FMNL2: variants seen among roughly 807,000 people sequenced by gnomAD.
The protein encoded by FMNL2 is formin-like protein 2.
A neutral mutation model predicts 130.2 loss-of-function variants in FMNL2; 51 were observed. The observed-to-expected ratio is 0.39, with a 90% CI of 0.31 to 0.49. The LOEUF is 0.49. Ranked by LOEUF, FMNL2 falls within the 20% of genes least tolerant of loss-of-function variation. The pLI, the probability that FMNL2 is intolerant of heterozygous loss-of-function variation, is 0.85. For synonymous variants in FMNL2, 465 were observed against 467.1 expected (o/e 1.00, Z 0.06); for missense variants, 977 against 1,316.2 (o/e 0.74, Z 3.99).
At chr2:152,516,010 C>G (rs116494671) in intron 1 of FMNL2, among the ~76,000 whole-genome samples, 2,257 of 152,106 alleles carry the variant, frequency 0.015, 61 homozygotes, top group African/African-American at 0.052. Context: ...AATTCCAGAG[C>G]CCAACTAGCA....
intron 1 of FMNL2, among the ~76,000 whole-genome samples, chr2:152,486,074 G>A (rs763969521): frequency 1.3e-5 from 2 of 152,166 alleles, no homozygotes; most frequent in African/African-American, 4.8e-5. Context: ...TAAATAGATA[G>A]CAACGGATCA....
intron 1 of FMNL2, among the ~76,000 whole-genome samples, chr2:152,455,347 T>C (rs1342920726): frequency 6.6e-6 from 1 of 152,060 alleles, no homozygotes; most frequent in Non-Finnish European, 1.5e-5. Context: ...GATGAAGTCC[T>C]TTTAGGGGAA....
intron 21 of FMNL2, among the ~76,000 whole-genome samples, chr2:152,633,478 AAATG>A (rs1682324421): frequency 1.3e-5 from 2 of 152,216 alleles, no homozygotes; most frequent in African/African-American, 2.4e-5. Context: ...TGTTGGAAAT[AAATG>A]AATGAACAAG....
At chr2:152,366,098 A>G (rs1316108205) in intron 1 of FMNL2, among the ~76,000 whole-genome samples, 2 of 152,144 alleles carry the variant, frequency 1.3e-5, no homozygotes, top group Admixed American at 6.5e-5. Flanking sequence ...AGTAACCTCC[A>G]TGTTTACTAG....
chr2:152,464,154 A>G (rs1238197718), intron 1 of FMNL2, among the ~76,000 whole-genome samples: 3 of 152,060 alleles, frequency 2.0e-5, no homozygotes, highest in Non-Finnish European at 4.4e-5. Flanking sequence ...ACGTTGACCA[A>G]TCTGGTCTTG....
intron 1 of FMNL2, among the ~76,000 whole-genome samples, chr2:152,474,763 A>G (rs919294367): frequency 1.3e-4 from 20 of 152,196 alleles, no homozygotes; most frequent in African/African-American, 3.6e-4. Flanking sequence ...TTAGTTGCCA[A>G]TGATTGATAG....
chr2:152,496,991 A>G (rs982317367), intron 1 of FMNL2, among the ~76,000 whole-genome samples: 22 of 152,150 alleles, frequency 1.4e-4, no homozygotes, highest in African/African-American at 5.1e-4. Flanking sequence ...AAAGGTATAT[A>G]GAAACCAAAA....
At chr2:152,460,604 C>T (rs573479219) in intron 1 of FMNL2, among the ~76,000 whole-genome samples, 2 of 152,332 alleles carry the variant, frequency 1.3e-5, no homozygotes, top group East Asian at 1.9e-4. Context: ...AACCAGGCCG[C>T]ACAAGGGGCA....
intron 1 of FMNL2, among the ~76,000 whole-genome samples, chr2:152,357,669 T>A (rs1682912656): frequency 6.6e-6 from 1 of 150,808 alleles, no homozygotes; most frequent in South Asian, 2.1e-4. Flanking sequence ...TTAAATCAGT[T>A]TAATGTATAA....
chr2:152,369,158 G>A (rs1207218084), intron 1 of FMNL2, among the ~76,000 whole-genome samples: 1 of 152,198 alleles, frequency 6.6e-6, no homozygotes, highest in Non-Finnish European at 1.5e-5. Context: ...AAGAATGTTT[G>A]TGCAGTGTCA....
intron 9 of FMNL2, among the ~76,000 whole-genome samples, chr2:152,591,022 T>TC (rs1558989598): frequency 1.2e-4 from 12 of 99,122 alleles, no homozygotes; most frequent in African/African-American, 5.2e-4. Flanking sequence ...TTTTTTTTTT[T>TC]TTGAGACAGC....
chr2:152,542,713 G>A, intron 2 of FMNL2, 26 bp from the exon 3 acceptor site: 3 of 1,612,460 alleles, frequency 1.9e-6, no homozygotes, highest in South Asian at 1.1e-5. Flanking sequence ...TACCTTTCAT[G>A]CTTTGGACTT....
At chr2:152,535,019 C>A (rs967269609) in intron 2 of FMNL2, among the ~76,000 whole-genome samples, 2 of 152,120 alleles carry the variant, frequency 1.3e-5, no homozygotes, top group Non-Finnish European at 1.5e-5. Flanking sequence ...TCCAGTCTAG[C>A]GCAGAAATGG....
chr2:152,542,840 C>T, intron 3 of FMNL2, 21 bp downstream of exon 3: 1 of 1,611,740 alleles, frequency 6.2e-7, no homozygotes, highest in Non-Finnish European at 8.5e-7. Flanking sequence ...TTTGTTTCCA[C>T]TCTTTGTTAT....
intron 2 of FMNL2, among the ~76,000 whole-genome samples, chr2:152,529,524 G>A (rs1023090037): frequency 6.6e-6 from 1 of 152,118 alleles, no homozygotes; most frequent in Non-Finnish European, 1.5e-5. Flanking sequence ...CTTCCTAAAA[G>A]CAGTTTCCTT....
intron 25 of FMNL2, among the ~76,000 whole-genome samples, chr2:152,642,717 G>A (rs926955751): frequency 2.0e-5 from 3 of 152,110 alleles, no homozygotes; most frequent in African/African-American, 7.2e-5. Context: ...TAAGAACTTG[G>A]AGTTCCTGGC....
At chr2:152,581,071 A>T in intron 9 of FMNL2, 22 bp downstream of exon 9, 1 of 1,587,384 alleles carries the variant, frequency 6.3e-7, no homozygotes, top group Non-Finnish European at 8.6e-7. Context: ...TATAGTTTTC[A>T]TAAGAATACT....
intron 1 of FMNL2, among the ~76,000 whole-genome samples, chr2:152,398,787 G>A (rs1685531076): frequency 6.6e-6 from 1 of 152,194 alleles, no homozygotes; most frequent in Non-Finnish European, 1.5e-5. Context: ...AGTTCGCTGA[G>A]GCATAAAGAG....
intron 9 of FMNL2, among the ~76,000 whole-genome samples, chr2:152,606,629 C>CTTTTTTTTTTTTTTTTTTTTTTGTT (rs1698369415): frequency 9.5e-6 from 1 of 105,480 alleles, no homozygotes; most frequent in Non-Finnish European, 1.9e-5. Context: ...TTTTTTGACT[C>CTTTTTTTTTTTTTTTTTTTTTTGTT]TTTTTTTTTT....
Sources: gnomAD v4.1 joint callset for allele counts (sites outside exome capture counted in the v4.1 genomes callset) on GRCh38, gnomAD v4.1.1 for gene constraint, MANE v1.5 for transcripts, NCBI Gene and HGNC (gene_info 2026-07-23, HGNC 2026-07-21) for gene names.